The following FCRL5 variants were observed in gnomAD, a reference collection of about 807,000 sequenced individuals.
FCRL5 encodes the protein Fc receptor-like protein 5.
A neutral mutation model predicts 92.1 loss-of-function variants in FCRL5; 79 were observed. That is an observed-to-expected ratio of 0.86 (90% confidence interval 0.72 to 1.03). The LOEUF (loss-of-function observed/expected upper bound fraction) is 1.03. Among genes scored for constraint, FCRL5 ranks in the 50% least tolerant of loss-of-function variants. FCRL5 has a pLI of 0.00. For missense variants in FCRL5, 1,160 were observed against 1,181.1 expected (o/e 0.98, Z 0.26); for synonymous variants, 466 against 469.3 (o/e 0.99, Z 0.09).
intron 10 of FCRL5, chr1:157,522,825 A>G (rs959603748): frequency 2.6e-5 from 4 of 152,232 alleles, no homozygotes; most frequent in African/African-American, 4.8e-5. Flanking sequence ...TGAAATCATA[A>G]GTATAGAATG....
At chr1:157,542,591 A>G in intron 6 of FCRL5, 1 of 444,848 alleles carries the variant, frequency 2.2e-6, no homozygotes, top group Non-Finnish European at 4.0e-6. Flanking sequence ...GGAAAGCACA[A>G]GAAAAGCACT....
chr1:157,543,531 T>A (rs189572566), intron 5 of FCRL5, among the ~76,000 whole-genome samples: 231 of 152,322 alleles, frequency 1.5e-3, no homozygotes, highest in Non-Finnish European at 2.5e-3. Context: ...AAGGAGAGAC[T>A]AGGAGACCTG....
At chr1:157,546,847 A>T in intron 3 of FCRL5, 96 bp downstream of exon 3, 2 of 1,432,664 alleles carry the variant, frequency 1.4e-6, no homozygotes, top group South Asian at 1.4e-5. Context: ...AAAATTGTCC[A>T]CTCATGAAGG....
chr1:157,517,258 G>A (rs781524764), intron 15 of FCRL5, among the ~76,000 whole-genome samples: 7 of 152,054 alleles, frequency 4.6e-5, no homozygotes, highest in Non-Finnish European at 8.8e-5. Context: ...CTGCAGTTTC[G>A]ACAGCATTTC....
rs1650840223 is a variant in FCRL5, at chr1:157,534,424, C to G, written c.1681+190G>C. On this transcript the variant is annotated intron_variant, in intron 8 of 16. Transcript: ENST00000361835. ...GGTAAAAGCTGGGGAATCTACTGAG[C>G]TGTTTTAGGGGTCTGGCTGAGCCAG... 5 of 724,044 alleles carry G rather than the reference C, an allele frequency of 6.9e-6. 1 individual carries two copies. In the East Asian group the frequency reaches 1.3e-4, roughly 19 times the overall value. 44.9% of individuals were successfully genotyped at this position (724,044 alleles called of 1,614,324 possible). A position where few individuals can be genotyped will look rare whatever the true frequency, so the allele number is the denominator to read the frequency against.
chr1:157,525,244 A>G (rs536553317), intron 9 of FCRL5, among the ~76,000 whole-genome samples: 1 of 152,376 alleles, frequency 6.6e-6, no homozygotes, highest in South Asian at 2.1e-4. Context: ...GTGTTAGTCA[A>G]GGAAAGCTTC....
chr1:157,517,441 G>A lies in FCRL5; in HGVS notation c.2812+988C>T, dbSNP rs532765500. Among the ~76,000 whole-genome samples, 46 of 152,290 alleles carry A rather than the reference G, an allele frequency of 3.0e-4. No homozygotes were observed. The South Asian group carries it at 6.2e-3, about 21-fold the overall frequency. ...TTAGGATTACAGACCCTGAGATAGGGAGATTATTCTGGGTTATCCAGATGG... is the reference window on the plus strand; with the variant it reads ...TTAGGATTACAGACCCTGAGATAGGAAGATTATTCTGGGTTATCCAGATGG... On this transcript the variant is annotated intron_variant, in intron 15 of 16. Transcript: ENST00000361835.
intron 8 of FCRL5, among the ~76,000 whole-genome samples, chr1:157,531,439 A>G (rs1398852664): frequency 2.0e-5 from 3 of 152,208 alleles, no homozygotes; most frequent in Non-Finnish European, 4.4e-5. Context: ...AAATAGAGCT[A>G]CCATATTATC....
chr1:157,522,953 GC>G (rs990345129), intron 10 of FCRL5, among the ~76,000 whole-genome samples: 2 of 152,204 alleles, frequency 1.3e-5, no homozygotes, highest in Non-Finnish European at 2.9e-5. Flanking sequence ...TGTGGGGAGA[GC>G]CCCTGCAAAT....
rs141006285 is a variant in FCRL5 at position 157,518,223 on chromosome 1, G to C, written c.2812+206C>G. Among the ~76,000 whole-genome samples the C allele has an allele frequency of 4.4e-3, 670 of 152,258 alleles. 7 individuals carry two copies. Among genetic ancestry groups the C allele is most frequent in the Non-Finnish European group, 7.8e-3 (531 of 68,016 alleles). On this transcript the variant is annotated intron_variant, in intron 15 of 16. Coordinates refer to ENST00000361835, the MANE Select transcript of FCRL5 (RefSeq NM_031281.3). Reference sequence around the variant, plus strand: ...TAGTTTTGTTATTCAGGTTATACTGGGGCCCTCTGCAGAGAATAGGGAAAG... The same window carrying C: ...TAGTTTTGTTATTCAGGTTATACTGCGGCCCTCTGCAGAGAATAGGGAAAG...
chr1:157,521,001 G>C lies in FCRL5; in HGVS notation c.2515+16C>G. 1.9e-6 allele frequency: 3 copies of C among 1,586,660 alleles called. No homozygotes were observed. The highest frequency in any genetic ancestry group is 1.3e-5 in the African/African-American group (1 of 74,234). ...ACATTTTGTCCGCATCTGTGGCCCG[G>C]GCACGGGAAACTTACCTGTGATATA... On this transcript the variant is annotated intron_variant, in intron 11 of 16. Transcript: ENST00000361835.
chr1:157,518,713 T>C lies in FCRL5; in HGVS notation c.2730A>G (p.Pro910=), dbSNP rs1410294369. ...CTCGGGCCTCACCATTAGTGTACAC[T>C]GGTTGCAGCTCTTCCCAGGCTGGTA... ...HNVPAWEELQ[P]VYTNANPRGE... The change falls in exon 14 of 17, where the codon CCA becomes CCG. Residue 910 remains proline (P), a synonymous_variant. Transcript: ENST00000361835. The C allele has an allele frequency of 3.7e-6, 6 of 1,612,914 alleles. No homozygotes were observed. Among genetic ancestry groups the C allele is most frequent in the Non-Finnish European group, 2.5e-6 (3 of 1,179,732 alleles).
In FCRL5 at chr1:157,549,560, C is replaced by T; in HGVS notation, c.52G>A (p.Ala18Thr). The change falls in exon 2 of 17, where the codon GCA becomes ACA. Residue 18 changes from alanine to threonine, a missense_variant and splice_region_variant. Physicochemically the swap from Ala to Thr is moderately conservative, Grantham distance 58. Transcript: ENST00000361835. Reference sequence around the variant, plus strand: ...AAGAGCCAAAGACAGGAGAACTCACCAAACTGTCCACTGACAGGAGCTGCA... The same window carrying T: ...AAGAGCCAAAGACAGGAGAACTCACTAAACTGTCCACTGACAGGAGCTGCA... Reference protein sequence around the residue: ...LVLAPVSGQFARTPRPIIFLQ... With the variant: ...LVLAPVSGQFTRTPRPIIFLQ... The T allele has an allele frequency of 6.2e-7, 1 of 1,612,100 alleles. No homozygotes were observed. Among genetic ancestry groups the T allele is most frequent in the Non-Finnish European group, 8.5e-7 (1 of 1,179,218 alleles).
chr1:157,524,582 T>A (rs1312291500), intron 9 of FCRL5, 25 bp from the exon 10 acceptor site: 1 of 1,545,840 alleles, frequency 6.5e-7, no homozygotes, highest in South Asian at 1.2e-5. Flanking sequence ...ACGTTATGTA[T>A]CAGCTGCTTC....
chr1:157,515,912 C>CA (rs1649902778), intron 15 of FCRL5, 39 bp from the exon 16 acceptor site: 3 of 1,611,290 alleles, frequency 1.9e-6, no homozygotes, highest in Non-Finnish European at 2.5e-6. Context: ...GGAAGACTGG[C>CA]ATGGGGCTCT....
chr1:157,540,301 G>T (rs1651197144), intron 6 of FCRL5, among the ~76,000 whole-genome samples: 1 of 152,074 alleles, frequency 6.6e-6, no homozygotes, highest in African/African-American at 2.4e-5. Flanking sequence ...TGCTCTCAAA[G>T]AATTCCCTTG....
intron 7 of FCRL5, among the ~76,000 whole-genome samples, chr1:157,538,449 C>A (rs921897151): frequency 4.5e-4 from 69 of 152,270 alleles, no homozygotes; most frequent in African/African-American, 1.5e-3. Flanking sequence ...TCAAAGGAAA[C>A]CTTTTTGATG....
chr1:157,542,537 T>C (rs1651314977), intron 6 of FCRL5: 1 of 322,032 alleles, frequency 3.1e-6, no homozygotes, highest in Non-Finnish European at 5.8e-6. Context: ...CTGAGAATAA[T>C]ATAGTGAATG....
In FCRL5 at chr1:157,518,474, C is replaced by A. The variant is rs769911715; in HGVS notation, c.2767G>T (p.Val923Phe). Reference sequence around the variant, plus strand: ...TGGATGATCCGTACTTCTGAGTAAACCACATTTTCTCCTCTAGGATTTGCT... The same window carrying A: ...TGGATGATCCGTACTTCTGAGTAAAACACATTTTCTCCTCTAGGATTTGCT... ...TNANPRGENV[V>F]YSEVRIIQEK... The change falls in exon 15 of 17, where the codon GTT becomes TTT. Residue 923 changes from valine (V) to phenylalanine (F), a missense_variant. By Grantham distance (50) the Val-to-Phe change is conservative. Coordinates refer to ENST00000361835, the MANE Select transcript of FCRL5 (RefSeq NM_031281.3). The A allele has an allele frequency of 1.2e-6, 2 of 1,614,142 alleles. No homozygotes were observed. Among genetic ancestry groups the A allele is most frequent in the Admixed American group, 1.7e-5 (1 of 60,028 alleles).
Sources: gnomAD v4.1 joint callset for allele counts (sites outside exome capture counted in the v4.1 genomes callset) on GRCh38, gnomAD v4.1.1 for gene constraint, MANE v1.5 for transcripts, NCBI Gene and HGNC (gene_info 2026-07-23, HGNC 2026-07-21) for gene names.